The following CPNE5 variants were observed in gnomAD, a reference collection of about 807,000 sequenced individuals.
CPNE5 encodes the protein copine-5.
In CPNE5, 42 loss-of-function variants were observed where a neutral mutation model predicts 81.1. That is an observed-to-expected ratio of 0.52 (90% confidence interval 0.40 to 0.67). CPNE5 has a LOEUF of 0.67. Ranked by LOEUF, CPNE5 falls within the 30% of genes least tolerant of loss-of-function variation. The probability of loss-of-function intolerance (pLI) is 0.00; values close to 1 mark genes in which losing one functional copy is unlikely to be tolerated. For synonymous variants in CPNE5, 313 were observed against 321.5 expected (o/e 0.97, Z 0.28); for missense variants, 612 against 815.5 (o/e 0.75, Z 3.04).
At chr6:36,811,087 G>GGGGAAC in intron 3 of CPNE5, among the ~76,000 whole-genome samples, 1 of 152,276 alleles carries the variant, frequency 6.6e-6, no homozygotes, top group African/African-American at 2.4e-5. Flanking sequence ...CTCGGGGAAC[G>GGGGAAC]GGGAACGACC....
Position 36,771,475 on chromosome 6 carries a change from A to G in CPNE5, c.737+3486T>C, listed in dbSNP as rs1426602322. The stretch of plus-strand genomic sequence containing the variant: ...AGCTAATTGTTGGGGGGATTAAATT[A>G]GTTCCTATACATAAAGCACTTAGAG... On this transcript the variant is annotated intron_variant, in intron 10 of 20. Coordinates refer to ENST00000244751, the MANE Select transcript of CPNE5 (RefSeq NM_020939.2). Among the ~76,000 whole-genome samples, 7 of 152,314 alleles carry G rather than the reference A, an allele frequency of 4.6e-5. 1 individual carries two copies. The East Asian group carries it at 9.7e-4, about 21-fold the overall frequency.
At chr6:36,818,556 T>G (rs573354185) in intron 3 of CPNE5, among the ~76,000 whole-genome samples, 2 of 152,206 alleles carry the variant, frequency 1.3e-5, no homozygotes, top group East Asian at 1.9e-4. Flanking sequence ...GCACTGACCA[T>G]GCACCAAGGC....
chr6:36,746,243 T>C lies in CPNE5; in HGVS notation c.1200+153A>G, dbSNP rs1764142254. 1 of 982,764 alleles carries C rather than the reference T, an allele frequency of 1.0e-6. No individual in the cohort carries two copies. Among genetic ancestry groups the C allele is most frequent in the Non-Finnish European group, 1.2e-6 (1 of 827,678 alleles). 60.9% of individuals were successfully genotyped at this position (982,764 alleles called of 1,614,324 possible). A position where few individuals can be genotyped will look rare whatever the true frequency, so the allele number is the denominator to read the frequency against. ...GTGATCAGGGAAGGGAGTGGATTTC[T>C]GGAGCCCCCCTACACACAGCAGGCA... On this transcript the variant is annotated intron_variant, in intron 16 of 20. Coordinates refer to ENST00000244751, the MANE Select transcript of CPNE5 (RefSeq NM_020939.2). This position sits in a 1 kb window ranked among gnomAD's most constrained non-coding sequence, Gnocchi z 4.5.
chr6:36,777,540 G>A (rs573087883), intron 9 of CPNE5, among the ~76,000 whole-genome samples: 92 of 152,244 alleles, frequency 6.0e-4, no homozygotes, highest in African/African-American at 2.2e-3. Context: ...GGAACAATAT[G>A]CAGGCCTTTT....
chr6:36,753,139 AG>A, intron 13 of CPNE5, 44 bp from the exon 14 acceptor site: 1 of 1,523,334 alleles, frequency 6.6e-7, no homozygotes, highest in Non-Finnish European at 9.1e-7. Flanking sequence ...GCCTGGGGTC[AG>A]GGGAGATGGG....
chr6:36,832,208 T>C (rs1435146263), intron 1 of CPNE5, among the ~76,000 whole-genome samples: 3 of 152,218 alleles, frequency 2.0e-5, no homozygotes, highest in Non-Finnish European at 4.4e-5. Context: ...GCCTCAGAGA[T>C]GCAAATTCTA....
chr6:36,753,227 C>A, intron 13 of CPNE5, 132 bp from the exon 14 acceptor site: 1 of 662,856 alleles, frequency 1.5e-6, no homozygotes, highest in Non-Finnish European at 2.8e-6. Flanking sequence ...GCACTGCCCA[C>A]ACCACCCCAT....
At chr6:36,823,460 G>C (rs1179171982) in intron 1 of CPNE5, among the ~76,000 whole-genome samples, 1 of 152,042 alleles carries the variant, frequency 6.6e-6, no homozygotes, top group African/African-American at 2.4e-5. Context: ...TCACTTCTCT[G>C]CTTCTCAAAA....
At chr6:36,798,088 GT>G in intron 6 of CPNE5, 76 bp downstream of exon 6, 1 of 1,116,364 alleles carries the variant, frequency 9.0e-7, no homozygotes, top group Non-Finnish European at 1.3e-6. Context: ...TGACTGCTTT[GT>G]CCCCATCCTG....
chr6:36,748,586 G>A (rs907523707), intron 14 of CPNE5, among the ~76,000 whole-genome samples: 6 of 151,604 alleles, frequency 4.0e-5, no homozygotes, highest in African/African-American at 1.5e-4. Context: ...GTGTAGGCTG[G>A]GTGAGGTTGG....
intron 20 of CPNE5, chr6:36,742,953 C>A: frequency 1.0e-6 from 1 of 985,370 alleles, no homozygotes. Context: ...TGGCTTCTTC[C>A]CGGGGGTGCC....
chr6:36,771,273 A>G (rs939666263), intron 10 of CPNE5, among the ~76,000 whole-genome samples: 4 of 152,196 alleles, frequency 2.6e-5, no homozygotes, highest in African/African-American at 9.7e-5. Context: ...TGTCTTGGCT[A>G]TCTGGCAACA....
At chr6:36,802,897 A>AG (rs1561802144) in intron 3 of CPNE5, among the ~76,000 whole-genome samples, 1 of 152,108 alleles carries the variant, frequency 6.6e-6, no homozygotes, top group African/African-American at 2.4e-5. Flanking sequence ...TTAAAAAAAA[A>AG]TAAAATAAAA....
rs1310879108 is a variant in CPNE5 at position 36,766,870 on chromosome 6, G to T, written c.738-1494C>A. 6.6e-6 allele frequency among the ~76,000 whole-genome samples: 1 copy of T among 152,190 alleles called. No homozygotes were observed. Among genetic ancestry groups the T allele is most frequent in the Non-Finnish European group, 1.5e-5 (1 of 68,028 alleles). ...TAGGTTTTTGTTTGTTTGTTTGCTT[G>T]TTTGAGATGGAGTCTTGCTCTGTTG... is the stretch of plus-strand genomic sequence containing the variant. On this transcript the variant is annotated intron_variant, in intron 10 of 20. Transcript: ENST00000244751. The surrounding 1 kb of genome is among the most constrained non-coding windows in gnomAD (Gnocchi z 4.2).
At chr6:36,758,064 G>A (rs1352302235) in intron 12 of CPNE5, among the ~76,000 whole-genome samples, 1 of 152,126 alleles carries the variant, frequency 6.6e-6, no homozygotes, top group African/African-American at 2.4e-5. Context: ...GTGAGGGGAG[G>A]AGGAGGCTCA....
chr6:36,839,187 A>C lies in CPNE5; in HGVS notation c.95+96T>G. ...GTCCTGGAGACCAGGACACTCTGGG[A>C]AGGGGGCGCGCGGAGGTTTAGGATC... On this transcript the variant is annotated intron_variant, in intron 1 of 20. Coordinates refer to ENST00000244751, the MANE Select transcript of CPNE5 (RefSeq NM_020939.2). This position sits in a 1 kb window ranked among gnomAD's most constrained non-coding sequence, Gnocchi z 7.3. The C allele has an allele frequency of 1.1e-5, 9 of 853,178 alleles. No individual in the cohort carries two copies. The highest frequency in any genetic ancestry group is 1.6e-5 in the Non-Finnish European group (9 of 563,190). 52.9% of individuals were successfully genotyped at this position (853,178 alleles called of 1,614,324 possible).
intron 14 of CPNE5, among the ~76,000 whole-genome samples, chr6:36,749,862 C>G (rs1051523106): frequency 7.2e-5 from 11 of 152,164 alleles, no homozygotes; most frequent in African/African-American, 1.2e-4. Context: ...GATTCAGATT[C>G]AGGCTTGAGA....
intron 14 of CPNE5, among the ~76,000 whole-genome samples, chr6:36,750,642 A>G (rs1393168620): frequency 2.6e-5 from 4 of 152,070 alleles, no homozygotes; most frequent in Non-Finnish European, 5.9e-5. Context: ...GACCTACCAT[A>G]CTCATCTGCT....
intron 9 of CPNE5, among the ~76,000 whole-genome samples, chr6:36,775,534 G>T (rs185398222): frequency 2.0e-5 from 3 of 152,302 alleles, no homozygotes; most frequent in Non-Finnish European, 4.4e-5. Flanking sequence ...TGGGTCATTT[G>T]TGCCTGCTGT....
Sources: gnomAD v4.1 joint callset for allele counts (sites outside exome capture counted in the v4.1 genomes callset) on GRCh38, gnomAD v4.1.1 for gene constraint, Gnocchi (gnomAD v3.1) non-coding constraint, MANE v1.5 for transcripts, NCBI Gene and HGNC (gene_info 2026-07-23, HGNC 2026-07-21) for gene names.